HFE: variants seen among roughly 807,000 people sequenced by gnomAD.
HFE encodes the protein hereditary hemochromatosis protein.
A neutral mutation model predicts 40.9 loss-of-function variants in HFE; 36 were observed. The ratio of observed to expected loss-of-function variants is 0.88; its 90% CI spans 0.67 to 1.16. The LOEUF (loss-of-function observed/expected upper bound fraction) is 1.16. HFE is among the 50% of genes most tolerant of loss of function. HFE has a pLI of 0.00. For synonymous variants in HFE, 157 were observed against 165.4 expected (o/e 0.95, Z 0.39); for missense variants, 376 against 432.0 (o/e 0.87, Z 1.15).
At position 26,093,192 on chromosome 6, in the gene HFE, T is replaced by C; in HGVS notation, c.966T>C (p.Ile322=). ...CTGTTTTTGTCGTCATCTTGTTCAT[T>C]GGAATTTTGTTCATAATATTAAGGA... is the stretch of plus-strand genomic sequence containing the variant. ...GIAVFVVILF[I]GILFIILRKR... The change falls in exon 5 of 6, where the codon ATT becomes ATC. Residue 322 remains isoleucine (I), a synonymous_variant. Coordinates refer to ENST00000357618, the MANE Select transcript of HFE (RefSeq NM_000410.4). 1.2e-6 allele frequency: 2 copies of C among 1,614,062 alleles called. No individual in the cohort carries two copies. The highest frequency in any genetic ancestry group is 2.2e-5 in the South Asian group (2 of 91,080).
chr6:26,087,586 T>G, intron 1 of HFE, 70 bp downstream of exon 1: 1 of 1,388,040 alleles, frequency 7.2e-7, no homozygotes, highest in East Asian at 2.3e-5. Flanking sequence ...GCTTTTTCTT[T>G]GCGCTTGGGA....
Position 26,096,147 on chromosome 6 carries a change from CT to C in HFE, c.*1935del, listed in dbSNP as rs373020944. 4.0e-3 allele frequency: 589 copies of C among 146,470 alleles called. No individual in the cohort carries two copies. Among genetic ancestry groups the C allele is most frequent in the Middle Eastern group, 0.01 (3 of 286 alleles). The allele number at this position is 146,470 out of a possible 1,614,324, so 9.1% of individuals were successfully genotyped here. ...ATCAGTTCACCATGTTCAAAAGAGT[CT>C]TTTTTTTTTTTTTGAGACTCTATTG... On this transcript the variant is annotated 3_prime_UTR_variant, in exon 6 of 6. Coordinates refer to ENST00000357618, the MANE Select transcript of HFE (RefSeq NM_000410.4).
intron 1 of HFE, among the ~76,000 whole-genome samples, chr6:26,087,944 G>C (rs968928247): frequency 6.6e-6 from 1 of 152,200 alleles, no homozygotes; most frequent in African/African-American, 2.4e-5. Context: ...AGTGCTTGCC[G>C]AGAAGGCTGA....
At chr6:26,089,610 A>C (rs898681249) in intron 1 of HFE, among the ~76,000 whole-genome samples, 1 of 152,116 alleles carries the variant, frequency 6.6e-6, no homozygotes, top group Non-Finnish European at 1.5e-5. Flanking sequence ...ATATATTCTG[A>C]AGGAAGTTGC....
At chr6:26,093,683 G>A (rs1170836331) in intron 5 of HFE, among the ~76,000 whole-genome samples, 4 of 151,824 alleles carry the variant, frequency 2.6e-5, no homozygotes, top group Admixed American at 2.0e-4. Flanking sequence ...GATTCCATTA[G>A]GTGAGGTTGA....
rs767411177 is a variant in HFE, at chr6:26,092,940, A to G, written c.872A>G (p.Gln291Arg). 1 of 1,614,148 alleles carries G rather than the reference A, an allele frequency of 6.2e-7. No individual in the cohort carries two copies. The highest frequency in any genetic ancestry group is 1.1e-5 in the South Asian group (1 of 91,084). The change falls in exon 4 of 6, where the codon CAG becomes CGG. Residue 291 changes from glutamine (Q) to arginine (R), a missense_variant. Coordinates refer to ENST00000357618, the MANE Select transcript of HFE (RefSeq NM_000410.4). ...CAGGTGGAGCACCCAGGCCTGGATC[A>G]GCCCCTCATTGTGATCTGGGGTATG... ...TCQVEHPGLD[Q>R]PLIVIWEPSP...
rs1366308709 is a variant in HFE, at chr6:26,098,109, C to G, written c.*3883C>G. ...CTACACTCTAACATGTAGAATGTTA[C>G]TACAATATTAAAGTATTTTGTATGA... On this transcript the variant is annotated 3_prime_UTR_variant, in exon 6 of 6. Coordinates refer to ENST00000357618, the MANE Select transcript of HFE (RefSeq NM_000410.4). The G allele has an allele frequency of 1.3e-5, 2 of 152,164 alleles. No homozygotes were observed. Among genetic ancestry groups the G allele is most frequent in the African/African-American group, 2.4e-5 (1 of 41,430 alleles). 9.4% of individuals were successfully genotyped at this position (152,164 alleles called of 1,614,324 possible). A position where few individuals can be genotyped will look rare whatever the true frequency, so the allele number is the denominator to read the frequency against.
chr6:26,094,773 T>G lies in HFE; in HGVS notation c.*547T>G, dbSNP rs1035904538. On this transcript the variant is annotated 3_prime_UTR_variant, in exon 6 of 6. Coordinates refer to ENST00000357618, the MANE Select transcript of HFE (RefSeq NM_000410.4). ...TGGGGATTCTTCCATCTGATTGTGA[T>G]GTGAGTTGCACAGCTATGAAGGCTG... The G allele has an allele frequency of 1.0e-5, 4 of 387,504 alleles. No individual in the cohort carries two copies. Among genetic ancestry groups the G allele is most frequent in the Non-Finnish European group, 1.9e-5 (4 of 206,884 alleles). 24.0% of individuals were successfully genotyped at this position (387,504 alleles called of 1,614,324 possible).
intron 1 of HFE, among the ~76,000 whole-genome samples, chr6:26,089,346 G>A (rs1001572476): frequency 1.3e-5 from 2 of 152,130 alleles, no homozygotes; most frequent in African/African-American, 4.8e-5. Flanking sequence ...AGTAGGTAAT[G>A]GGCTCAGAAG....
chr6:26,091,059 A>G lies in HFE; in HGVS notation c.295A>G (p.Thr99Ala). The change falls in exon 2 of 6, where the codon ACT (threonine) becomes GCT (alanine). Residue 99 changes from threonine (T) to alanine (A), a missense_variant. Around this residue, in one of 3 missense-constraint regions of HFE, gnomAD observed 200 missense variants for 228.5 expected, o/e 0.88. Coordinates refer to ENST00000357618, the MANE Select transcript of HFE (RefSeq NM_000410.4). Reference sequence around the variant, plus strand: ...TCTGAAAGGGTGGGATCACATGTTCACTGTTGACTTCTGGACTATTATGGA... The same window carrying G: ...TCTGAAAGGGTGGGATCACATGTTCGCTGTTGACTTCTGGACTATTATGGA... ...QSLKGWDHMF[T>A]VDFWTIMENH... 2.5e-6 allele frequency: 4 copies of G among 1,614,192 alleles called. No homozygotes were observed. The highest frequency in any genetic ancestry group is 3.4e-6 in the Non-Finnish European group (4 of 1,180,036).
rs774562056 is a variant in HFE, at chr6:26,096,563, G to T, written c.*2337G>T. On this transcript the variant is annotated 3_prime_UTR_variant, in exon 6 of 6. Transcript: ENST00000357618. ...CAGGTGCTTCAGGATACCATATACA[G>T]CTCAGAAGTTTCTTCTTTAGGCATT... 2.8e-5 allele frequency: 13 copies of T among 456,306 alleles called. No individual in the cohort carries two copies. In the East Asian group the frequency reaches 8.3e-4, roughly 29 times the overall value. The allele number at this position is 456,306 out of a possible 1,614,324, so 28.3% of individuals were successfully genotyped here.
Position 26,097,149 on chromosome 6 carries a change from ATTAAT to A in HFE, c.*2927_*2931del, listed in dbSNP as rs1763071851. ...TCTACCTCATAAGGAATATGTTACA[ATTAAT>A]TTATTAGGTAAGCATTTGTTTTATA... On this transcript the variant is annotated 3_prime_UTR_variant, in exon 6 of 6. Transcript: ENST00000357618. The A allele has an allele frequency of 6.6e-6, 1 of 152,640 alleles. No homozygotes were observed. The highest frequency in any genetic ancestry group is 1.9e-4 in the East Asian group (1 of 5,204). The allele number at this position is 152,640 out of a possible 1,614,324, so 9.5% of individuals were successfully genotyped here.
intron 4 of HFE, 25 bp from the exon 5 acceptor site, chr6:26,093,094 C>T: frequency 1.9e-6 from 3 of 1,613,250 alleles, no homozygotes; most frequent in Non-Finnish European, 2.5e-6. Flanking sequence ...CAATCAAAGG[C>T]TTTAACTTGC....
At position 26,098,305 on chromosome 6, in the gene HFE, T is replaced by C. The variant is rs1323956562; in HGVS notation, c.*4079T>C. 6.6e-6 allele frequency: 1 copy of C among 152,194 alleles called. No homozygotes were observed. Among genetic ancestry groups the C allele is most frequent in the Non-Finnish European group, 1.5e-5 (1 of 68,028 alleles). The allele number at this position is 152,194 out of a possible 1,614,324, so 9.4% of individuals were successfully genotyped here. ...ACTTATATATTTTCTATTTCTTGGA[T>C]GGATGAATTTGTACATTAAAAGTTT... On this transcript the variant is annotated 3_prime_UTR_variant, in exon 6 of 6. Coordinates refer to ENST00000357618, the MANE Select transcript of HFE (RefSeq NM_000410.4).
At chr6:26,093,812 C>T (rs1290354137) in intron 5 of HFE, among the ~76,000 whole-genome samples, 2 of 152,012 alleles carry the variant, frequency 1.3e-5, no homozygotes, top group Non-Finnish European at 2.9e-5. Context: ...CTATCACTCA[C>T]CAATTATGCA....
rs28934597 is a variant in HFE at position 26,091,041 on chromosome 6, G to C, written c.277G>C (p.Gly93Arg). The C allele has an allele frequency of 2.7e-5, 43 of 1,614,018 alleles. No individual in the cohort carries two copies. The highest frequency in any genetic ancestry group is 3.6e-5 in the Non-Finnish European group (42 of 1,179,960). ...GCTGCAGCTGAGTCAGAGTCTGAAA[G>C]GGTGGGATCACATGTTCACTGTTGA... ...MWLQLSQSLK[G>R]WDHMFTVDFW... The change falls in exon 2 of 6, where the codon GGG becomes CGG. Residue 93 changes from glycine (G) to arginine (R), a missense_variant. Gly to Arg is a moderately radical substitution (Grantham distance 125). Coordinates refer to ENST00000357618, the MANE Select transcript of HFE (RefSeq NM_000410.4).
Position 26,094,635 on chromosome 6 carries a change from G to C in HFE, c.*409G>C. 1 of 600,176 alleles carries C rather than the reference G, an allele frequency of 1.7e-6. No individual in the cohort carries two copies. Among genetic ancestry groups the C allele is most frequent in the Non-Finnish European group, 3.0e-6 (1 of 337,910 alleles). The allele number at this position is 600,176 out of a possible 1,614,324, so 37.2% of individuals were successfully genotyped here. The stretch of plus-strand genomic sequence containing the variant: ...AGCTTTGAACCCTGGGACGTGGCTA[G>C]TCATAACCTTACCAGATTTTTACAC... On this transcript the variant is annotated 3_prime_UTR_variant, in exon 6 of 6. Coordinates refer to ENST00000357618, the MANE Select transcript of HFE (RefSeq NM_000410.4).
In HFE at chr6:26,091,394, G is replaced by A. The variant is rs372789940; in HGVS notation, c.421G>A (p.Asp141Asn). 3 of 1,614,052 alleles carry A rather than the reference G, an allele frequency of 1.9e-6. No homozygotes were observed. The African/African-American group carries it at 4.0e-5, about 22-fold the overall frequency. ...STEGYWKYGY[D>N]GQDHLEFCPD... ...CGAGGGCTACTGGAAGTACGGGTAT[G>A]ATGGGCAGGACCACCTTGAATTCTG... The change falls in exon 3 of 6, where the codon GAT (aspartate) becomes AAT (asparagine). Residue 141 changes from aspartate (D) to asparagine (N), a missense_variant. Coordinates refer to ENST00000357618, the MANE Select transcript of HFE (RefSeq NM_000410.4).
chr6:26,091,373 G>T lies in HFE; in HGVS notation c.400G>T (p.Gly134Cys). 1.2e-6 allele frequency: 2 copies of T among 1,614,150 alleles called. No homozygotes were observed. Among genetic ancestry groups the T allele is most frequent in the Non-Finnish European group, 1.7e-6 (2 of 1,180,018 alleles). ...CEMQEDNSTE[G>C]YWKYGYDGQD... ...AATGCAAGAAGACAACAGTACCGAG[G>T]GCTACTGGAAGTACGGGTATGATGG... Residue 134 changes from glycine (G) to cysteine (C), a missense_variant, in exon 3 of 6, where the codon GGC becomes TGC. Coordinates refer to ENST00000357618, the MANE Select transcript of HFE (RefSeq NM_000410.4).
Sources: allele counts gnomAD v4.1 joint callset (sites outside exome capture counted in the v4.1 genomes callset), GRCh38; gene constraint gnomAD v4.1.1; regional missense constraint gnomAD v4.1.1; transcripts MANE v1.5; gene names NCBI Gene and HGNC (gene_info 2026-07-23, HGNC 2026-07-21).